The following FREM3 variants were observed in gnomAD, a reference collection of about 807,000 sequenced individuals.
FREM3 encodes FRAS1-related extracellular matrix protein 3.
In FREM3, 105 loss-of-function variants were observed where a neutral mutation model predicts 129.1. The observed-to-expected ratio is 0.81, with a 90% confidence interval of 0.69 to 0.96. The LOEUF (loss-of-function observed/expected upper bound fraction) is 0.96, where lower values mean the gene tolerates loss of function less well. FREM3 is among the 40% of genes least tolerant of loss of function. FREM3 has a pLI of 0.00. For missense variants in FREM3, 2,593 were observed against 2,666.3 expected, an observed-to-expected ratio of 0.97 and a Z score of 0.61; for synonymous variants, 1,014 against 1,044.9, an observed-to-expected ratio of 0.97 and a Z score of 0.57.
Position 143,678,899 on chromosome 4 carries a change from G to T in FREM3, c.5275+14214C>A, listed in dbSNP as rs190702880. ...TTCAAGTAATAAGAACATATTTTAA[G>T]TAGGTGCAAGTAAGGTTTAGATGCA... is the stretch of plus-strand genomic sequence containing the variant. On this transcript the variant is annotated intron_variant, in intron 2 of 7. Transcript: ENST00000329798. Among the ~76,000 whole-genome samples, 226 of 152,134 alleles carry T rather than the reference G, an allele frequency of 1.5e-3. 1 individual carries two copies. The highest frequency in any genetic ancestry group is 6.8e-3 in the Middle Eastern group (2 of 292).
chr4:143,687,287 C>A (rs535344767), intron 2 of FREM3, among the ~76,000 whole-genome samples: 1 of 152,142 alleles, frequency 6.6e-6, no homozygotes, highest in African/African-American at 2.4e-5. Flanking sequence ...AACCTCCTAG[C>A]TTAAATCAGG....
chr4:143,689,695 A>G (rs1315194786), intron 2 of FREM3, among the ~76,000 whole-genome samples: 1 of 152,130 alleles, frequency 6.6e-6, no homozygotes, highest in Non-Finnish European at 1.5e-5. Flanking sequence ...ATGGAATACT[A>G]TGCAGCCATA....
intron 2 of FREM3, among the ~76,000 whole-genome samples, chr4:143,642,281 T>C (rs1739333959): frequency 6.6e-6 from 1 of 152,162 alleles, no homozygotes; most frequent in Non-Finnish European, 1.5e-5. Context: ...ACCAATGACA[T>C]TCTTCACAGA....
intron 6 of FREM3, among the ~76,000 whole-genome samples, chr4:143,597,121 A>G (rs1337018298): frequency 6.6e-6 from 1 of 152,022 alleles, no homozygotes; most frequent in Non-Finnish European, 1.5e-5. Flanking sequence ...AAAGAGACCA[A>G]AAACAAACAG....
intron 5 of FREM3, among the ~76,000 whole-genome samples, chr4:143,615,927 C>T (rs759955475): frequency 6.6e-6 from 1 of 152,090 alleles, no homozygotes; most frequent in East Asian, 1.9e-4. Flanking sequence ...GACTTGGAAG[C>T]TATGGTTATG....
chr4:143,598,624 A>G (rs950696754), intron 6 of FREM3, among the ~76,000 whole-genome samples: 4 of 152,180 alleles, frequency 2.6e-5, no homozygotes, highest in Non-Finnish European at 4.4e-5. Flanking sequence ...GGGGCTTTGG[A>G]CAAGAGGGTG....
chr4:143,595,108 T>G (rs1738443087), intron 6 of FREM3, among the ~76,000 whole-genome samples: 1 of 152,238 alleles, frequency 6.6e-6, no homozygotes, highest in African/African-American at 2.4e-5. Context: ...GTGTTCATAT[T>G]CGGAGACGCT....
chr4:143,687,594 A>G (rs1740391842), intron 2 of FREM3, among the ~76,000 whole-genome samples: 1 of 152,228 alleles, frequency 6.6e-6, no homozygotes, highest in South Asian at 2.1e-4. Flanking sequence ...CTTGATGGAC[A>G]TAGATGCTAA....
chr4:143,609,760 C>G (rs1165883248), intron 6 of FREM3, among the ~76,000 whole-genome samples: 1 of 152,152 alleles, frequency 6.6e-6, no homozygotes, highest in Non-Finnish European at 1.5e-5. Context: ...CTAGACTTGA[C>G]CACGTAGGGA....
chr4:143,624,313 T>G lies in FREM3; in HGVS notation c.5448A>C (p.Ala1816=). The change falls in exon 4 of 8, where the codon GCA becomes GCC. Residue 1816 remains alanine, a synonymous_variant. Transcript: ENST00000329798. ...FISIGTKDET[A]KKDKDFKWKT... ...TCCATTTGAAATCTTTGTCTTTTTT[T>G]GCAGTTTCATCTTTGGTACCAATGC... 6.5e-7 allele frequency: 1 copy of G among 1,536,800 alleles called. No homozygotes were observed. The highest frequency in any genetic ancestry group is 2.4e-5 in the East Asian group (1 of 40,888).
intron 2 of FREM3, among the ~76,000 whole-genome samples, chr4:143,691,279 T>C (rs982189584): frequency 2.0e-5 from 3 of 152,174 alleles, no homozygotes; most frequent in Non-Finnish European, 4.4e-5. Context: ...CTAACTTTTG[T>C]CCACGGCTTC....
Position 143,676,999 on chromosome 4 carries a change from A to G in FREM3, c.5275+16114T>C, listed in dbSNP as rs192133710. On this transcript the variant is annotated intron_variant, in intron 2 of 7. Transcript: ENST00000329798. The stretch of plus-strand genomic sequence containing the variant: ...AATTTATAGATTCATTGCCATCCCC[A>G]TCAAGCTACCAATGACTTTCTTCAC... Among the ~76,000 whole-genome samples the G allele has an allele frequency of 1.8e-3, 268 of 152,350 alleles. 1 individual carries two copies. Among genetic ancestry groups the G allele is most frequent in the African/African-American group, 5.8e-3 (241 of 41,580 alleles).
At chr4:143,674,789 A>C (rs192996641) in intron 2 of FREM3, among the ~76,000 whole-genome samples, 11,039 of 152,194 alleles carry the variant, frequency 0.073, 1,065 homozygotes, top group African/African-American at 0.21. Context: ...TCAAAAGAGA[A>C]AAAGAAGGCC....
At position 143,624,169 on chromosome 4, in the gene FREM3, A is replaced by G. The variant is rs954330716; in HGVS notation, c.5592T>C (p.Pro1864=). Reference sequence around the variant, plus strand: ...CTGGAAACTCCAGTACAGCCATGAGAGGTTCAGACAGAATGATCTGGAAGG... The same window carrying G: ...CTGGAAACTCCAGTACAGCCATGAGGGGTTCAGACAGAATGATCTGGAAGG... The part of the protein sequence containing the change: ...SETFQIILSE[P]LMAVLEFPEM... The change falls in exon 4 of 8, where the codon CCT becomes CCC. Residue 1864 remains proline (P), a synonymous_variant. Coordinates refer to ENST00000329798, the MANE Select transcript of FREM3 (RefSeq NM_001168235.2). The G allele has an allele frequency of 3.3e-6, 5 of 1,536,888 alleles. No homozygotes were observed. Among genetic ancestry groups the G allele is most frequent in the Non-Finnish European group, 4.4e-6 (5 of 1,146,742 alleles).
At chr4:143,594,932 A>G (rs1738439996) in intron 6 of FREM3, among the ~76,000 whole-genome samples, 1 of 152,218 alleles carries the variant, frequency 6.6e-6, no homozygotes, top group South Asian at 2.1e-4. Flanking sequence ...GAAGAATATG[A>G]TGCTTTGGCC....
Position 143,699,562 on chromosome 4 carries a change from G to T in FREM3, c.1114C>A (p.Leu372Ile), listed in dbSNP as rs1209424337. Residue 372 changes from leucine to isoleucine, a missense_variant, in exon 1 of 8, where the codon CTT (leucine) becomes ATT (isoleucine). Coordinates refer to ENST00000329798, the MANE Select transcript of FREM3 (RefSeq NM_001168235.2). This position sits in a 1 kb window ranked among gnomAD's most constrained non-coding sequence, Gnocchi z 4.2. ...TGCTGGGTGAAGAAGGAGACTGGAA[G>T]CCCTAGAGGGTCGTCGGTGCTGACC... ...YVVSTDDPLGLPVSFFTQQEL... is the reference protein window; with the variant it reads ...YVVSTDDPLGIPVSFFTQQEL... The T allele has an allele frequency of 1.3e-6, 2 of 1,536,638 alleles. No individual in the cohort carries two copies. The highest frequency in any genetic ancestry group is 2.4e-5 in the East Asian group (1 of 40,900).
At chr4:143,672,223 A>G (rs1740010137) in intron 2 of FREM3, among the ~76,000 whole-genome samples, 1 of 152,220 alleles carries the variant, frequency 6.6e-6, no homozygotes, top group African/African-American at 2.4e-5. Flanking sequence ...AAAGGTAGAG[A>G]GTCCAACATA....
intron 4 of FREM3, among the ~76,000 whole-genome samples, chr4:143,622,133 C>G (rs1738962207): frequency 6.6e-6 from 1 of 151,042 alleles, no homozygotes; most frequent in African/African-American, 2.4e-5. Flanking sequence ...CTCTGTCACC[C>G]AGGCTGGAGG....
chr4:143,611,214 A>G lies in FREM3; in HGVS notation c.6028+65T>C. The G allele has an allele frequency of 5.4e-6, 8 of 1,474,904 alleles. No individual in the cohort carries two copies. The South Asian group carries it at 9.2e-5, about 17-fold the overall frequency. The allele number at this position is 1,474,904 out of a possible 1,614,324, so 91.4% of individuals were successfully genotyped here. ...TAATTTAAGCTACATTTGCCTTTCA[A>G]CTGTTGGAGGAAAGTGTGAGAAGGC... is the stretch of plus-strand genomic sequence containing the variant. On this transcript the variant is annotated intron_variant, in intron 6 of 7. Coordinates refer to ENST00000329798, the MANE Select transcript of FREM3 (RefSeq NM_001168235.2).
Sources: allele counts gnomAD v4.1 joint callset (sites outside exome capture counted in the v4.1 genomes callset), GRCh38; gene constraint gnomAD v4.1.1; non-coding constraint Gnocchi (gnomAD v3.1); transcripts MANE v1.5; gene names NCBI Gene and HGNC (gene_info 2026-07-23, HGNC 2026-07-21).